NAE1: variants seen among roughly 807,000 people sequenced by gnomAD.
NAE1 encodes NEDD8-activating enzyme E1 regulatory subunit.
In NAE1, 59 loss-of-function variants were observed where a neutral mutation model predicts 88.0. The ratio of observed to expected loss-of-function variants is 0.67; its 90% CI spans 0.54 to 0.83. The LOEUF (loss-of-function observed/expected upper bound fraction) is 0.83. NAE1 is among the 40% of genes least tolerant of loss of function. The probability of loss-of-function intolerance (pLI) is 0.00; values close to 1 mark genes in which losing one functional copy is unlikely to be tolerated. For synonymous variants in NAE1, 186 were observed against 208.9 expected (o/e 0.89, Z 0.95); for missense variants, 554 against 632.8 (o/e 0.88, Z 1.34).
rs747084086 is a variant in NAE1 at position 66,823,511 on chromosome 16, A to ATG, written c.321+16_321+17dup. 4.4e-6 allele frequency: 7 copies of ATG among 1,586,504 alleles called. No individual in the cohort carries two copies. In the South Asian group the frequency reaches 8.0e-5, roughly 18 times the overall value. On this transcript the variant is annotated intron_variant, in intron 5 of 19. Transcript: ENST00000290810. ...ATTGTATTTCAGCACAGACATAATA[A>ATG]TGTGTGTACATATATACCTCTTCCA... is the stretch of plus-strand genomic sequence containing the variant.
At chr16:66,817,368 T>C (rs747551182) in intron 9 of NAE1, 57 bp downstream of exon 9, 1 of 1,377,282 alleles carries the variant, frequency 7.3e-7, no homozygotes, top group South Asian at 1.2e-5. Flanking sequence ...AAGGAAATCC[T>C]TTGTAAGAAA....
intron 1 of NAE1, among the ~76,000 whole-genome samples, chr16:66,829,249 A>T (rs775226504): frequency 1.3e-5 from 2 of 152,236 alleles, no homozygotes; most frequent in Non-Finnish European, 2.9e-5. Flanking sequence ...AGTAACCTCA[A>T]CTATCTTCTC....
chr16:66,816,027 A>C (rs1406003601), intron 11 of NAE1, among the ~76,000 whole-genome samples: 1 of 152,178 alleles, frequency 6.6e-6, no homozygotes, highest in African/African-American at 2.4e-5. Context: ...GTTGGTAATA[A>C]TATCTTACGT....
intron 13 of NAE1, among the ~76,000 whole-genome samples, chr16:66,812,337 A>G (rs922623967): frequency 6.6e-6 from 1 of 151,948 alleles, no homozygotes; most frequent in African/African-American, 2.4e-5. Context: ...GTCGTTGTGA[A>G]CCTTGTGTGT....
intron 3 of NAE1, among the ~76,000 whole-genome samples, chr16:66,825,869 C>T (rs189173286): frequency 3.3e-5 from 5 of 152,226 alleles, no homozygotes; most frequent in Admixed American, 3.3e-4. Context: ...GCAAAGATAA[C>T]AAGACTTCTT....
intron 15 of NAE1, 116 bp downstream of exon 15, chr16:66,810,254 ATATC>A (rs1351864051): frequency 4.1e-6 from 3 of 737,788 alleles, no homozygotes; most frequent in African/African-American, 3.8e-5. Context: ...ATAATTATCT[ATATC>A]TATATCACTG....
At chr16:66,814,727 TG>T (rs1959973174) in intron 11 of NAE1, among the ~76,000 whole-genome samples, 2 of 152,028 alleles carry the variant, frequency 1.3e-5, no homozygotes, top group South Asian at 4.2e-4. Flanking sequence ...TCCCCTCAAT[TG>T]TGTTCTCCTC....
intron 1 of NAE1, among the ~76,000 whole-genome samples, 169 bp downstream of exon 1, chr16:66,830,678 T>A (rs1444049032): frequency 6.6e-6 from 1 of 152,172 alleles, no homozygotes; most frequent in Non-Finnish European, 1.5e-5. Context: ...CGGAGCACCT[T>A]TGGCCCAGGG....
intron 11 of NAE1, among the ~76,000 whole-genome samples, chr16:66,814,082 T>C (rs749325029): frequency 1.2e-4 from 18 of 152,282 alleles, no homozygotes; most frequent in Middle Eastern, 6.8e-3. Flanking sequence ...TATTCTCTTA[T>C]ACCATAAATG....
intron 19 of NAE1, among the ~76,000 whole-genome samples, chr16:66,804,811 A>AC (rs1555510857): frequency 6.7e-6 from 1 of 150,256 alleles, no homozygotes; most frequent in Non-Finnish European, 1.5e-5. Context: ...TTCTCTTGCC[A>AC]TTTTTTTTTT....
Position 66,826,515 on chromosome 16 carries a change from G to A in NAE1, c.218+8C>T. On this transcript the variant is annotated splice_region_variant and intron_variant, in intron 3 of 19. Coordinates refer to ENST00000290810, the MANE Select transcript of NAE1 (RefSeq NM_003905.4). ...AACGTGAATATATTTGAAGAGAATA[G>A]AACATACTTGTTTCCAGCATCTTCT... is the stretch of plus-strand genomic sequence containing the variant. 1 of 1,613,696 alleles carries A rather than the reference G, an allele frequency of 6.2e-7. No homozygotes were observed. The highest frequency in any genetic ancestry group is 1.3e-5 in the African/African-American group (1 of 75,030).
intron 7 of NAE1, 145 bp downstream of exon 7, chr16:66,821,305 A>T: frequency 9.6e-7 from 1 of 1,038,916 alleles, no homozygotes; most frequent in Non-Finnish European, 1.3e-6. Context: ...CAGCCTATTG[A>T]ATCTGATTGC....
intron 19 of NAE1, among the ~76,000 whole-genome samples, chr16:66,803,861 G>A (rs1959452264): frequency 6.6e-6 from 1 of 152,044 alleles, no homozygotes; most frequent in Admixed American, 6.6e-5. Flanking sequence ...CCAAAGCGGA[G>A]GCCTTACAAG....
chr16:66,823,939 G>A (rs45519535), intron 4 of NAE1, among the ~76,000 whole-genome samples: 21,059 of 152,084 alleles, frequency 0.14, 2,554 homozygotes, highest in African/African-American at 0.33. Context: ...GTCTTGACAT[G>A]TTGCCCAGGC....
chr16:66,823,385 G>T, intron 5 of NAE1, 79 bp from the exon 6 acceptor site: 1 of 1,355,532 alleles, frequency 7.4e-7, no homozygotes, highest in African/African-American at 1.5e-5. Context: ...AGACAGTTAA[G>T]CTATTTTACA....
chr16:66,804,719 T>C (rs757374827), intron 19 of NAE1, among the ~76,000 whole-genome samples: 1 of 152,164 alleles, frequency 6.6e-6, no homozygotes, highest in Non-Finnish European at 1.5e-5. Context: ...TGTATGAGGA[T>C]AGGGCCTTTG....
intron 19 of NAE1, among the ~76,000 whole-genome samples, chr16:66,804,246 A>C (rs1348263568): frequency 6.6e-6 from 1 of 151,684 alleles, no homozygotes; most frequent in Non-Finnish European, 1.5e-5. Flanking sequence ...AAAAAACAAA[A>C]AAAAAAAAAC....
intron 7 of NAE1, among the ~76,000 whole-genome samples, chr16:66,819,020 A>C (rs1960156653): frequency 1.3e-5 from 2 of 152,232 alleles, no homozygotes; most frequent in Admixed American, 6.5e-5. Flanking sequence ...AATTATAGAA[A>C]CTTAGGAAAT....
intron 6 of NAE1, 96 bp downstream of exon 6, chr16:66,823,131 A>AT (rs1418803980): frequency 1.0e-5 from 7 of 684,588 alleles, no homozygotes; most frequent in Non-Finnish European, 1.5e-5. Flanking sequence ...GAATTTAACA[A>AT]TTTTTAAAAC....
Sources: allele counts gnomAD v4.1 joint callset (sites outside exome capture counted in the v4.1 genomes callset), GRCh38; gene constraint gnomAD v4.1.1; transcripts MANE v1.5; gene names NCBI Gene and HGNC (gene_info 2026-07-23, HGNC 2026-07-21).